The following ACSL1 variants were observed in gnomAD, a reference collection of about 807,000 sequenced individuals.
The protein encoded by ACSL1 is long-chain-fatty-acid--CoA ligase 1.
In ACSL1, 41 loss-of-function variants were observed where a neutral mutation model predicts 98.4. That is an observed-to-expected ratio of 0.42 (90% CI 0.32 to 0.54). The LOEUF is 0.54. ACSL1 is among the 20% of genes least tolerant of loss of function. The pLI, the probability that ACSL1 is intolerant of heterozygous loss-of-function variation, is 0.13. For missense variants in ACSL1, 734 were observed against 883.1 expected (o/e 0.83, Z 2.14); for synonymous variants, 316 against 322.7 (o/e 0.98, Z 0.22).
intron 17 of ACSL1, among the ~76,000 whole-genome samples, chr4:184,761,986 G>A (rs1170299614): frequency 6.6e-6 from 1 of 152,042 alleles, no homozygotes; most frequent in Non-Finnish European, 1.5e-5. Context: ...AATCAGCCAG[G>A]TGTGGTGGTG....
intron 3 of ACSL1, among the ~76,000 whole-genome samples, chr4:184,787,757 A>G (rs4862421): frequency 0.77 from 116,344 of 151,980 alleles, 46,077 homozygotes; most frequent in East Asian, 0.99. Flanking sequence ...CCAGCTACTC[A>G]GGAGGCTGAG....
At chr4:184,782,274 A>AAAC (rs1766419684) in intron 4 of ACSL1, among the ~76,000 whole-genome samples, 1 of 151,872 alleles carries the variant, frequency 6.6e-6, no homozygotes, top group African/African-American at 2.4e-5. Context: ...TAAAAAAAAA[A>AAAC]AAACAACCCT....
At chr4:184,809,947 T>C (rs1044638712) in intron 1 of ACSL1, among the ~76,000 whole-genome samples, 1 of 152,244 alleles carries the variant, frequency 6.6e-6, no homozygotes, top group African/African-American at 2.4e-5. Flanking sequence ...CATTCACATT[T>C]TCCTCTTCCA....
intron 14 of ACSL1, 101 bp from the exon 15 acceptor site, chr4:184,765,026 G>T (rs1763376189): frequency 8.6e-7 from 1 of 1,163,820 alleles, no homozygotes; most frequent in Non-Finnish European, 1.2e-6. Flanking sequence ...AGTCATGGCT[G>T]ACTGGTGAAA....
rs189566227 is a variant in ACSL1, at chr4:184,811,287, T to C, written c.-32-7741A>G. 4.6e-3 allele frequency among the ~76,000 whole-genome samples: 692 copies of C among 151,858 alleles called. 2 individuals carry two copies. The highest frequency in any genetic ancestry group is 0.017 in the Middle Eastern group (5 of 294). The stretch of plus-strand genomic sequence containing the variant: ...CCACGCCTGGCTAATTTTTTTTTTG[T>C]ATTTTTAGTAGAGACGGGGTTTCAC... On this transcript the variant is annotated intron_variant, in intron 1 of 20. Coordinates refer to ENST00000281455, the MANE Select transcript of ACSL1 (RefSeq NM_001995.5).
At position 184,757,973 on chromosome 4, in the gene ACSL1, T is replaced by G; in HGVS notation, c.1783-53A>C. 6.5e-7 allele frequency: 1 copy of G among 1,542,576 alleles called. No individual in the cohort carries two copies. The highest frequency in any genetic ancestry group is 8.9e-7 in the Non-Finnish European group (1 of 1,118,344). ...ATAGCTTGATCCAAATGCTCTAAAA[T>G]AGTGGTTCTTTATTTTTCCATCTTG... On this transcript the variant is annotated intron_variant, in intron 18 of 20. Coordinates refer to ENST00000281455, the MANE Select transcript of ACSL1 (RefSeq NM_001995.5). The surrounding 1 kb of genome is among the most constrained non-coding windows in gnomAD (Gnocchi z 4.5).
intron 2 of ACSL1, among the ~76,000 whole-genome samples, chr4:184,801,249 C>T (rs577855011): frequency 6.6e-6 from 1 of 152,294 alleles, no homozygotes; most frequent in African/African-American, 2.4e-5. Context: ...GGGAAACAGC[C>T]AGCGTGGGTT....
chr4:184,805,092 C>A (rs1771202540), intron 1 of ACSL1, among the ~76,000 whole-genome samples: 2 of 152,032 alleles, frequency 1.3e-5, no homozygotes, highest in South Asian at 4.1e-4. Context: ...AGAAAAACAA[C>A]AAACAAGTGG....
intron 2 of ACSL1, among the ~76,000 whole-genome samples, chr4:184,802,714 G>A (rs1770730149): frequency 6.6e-6 from 1 of 152,168 alleles, no homozygotes; most frequent in Admixed American, 6.5e-5. Context: ...TTCCTAACAT[G>A]AGAGCACAGC....
At chr4:184,796,396 A>C (rs1367075526) in intron 2 of ACSL1, among the ~76,000 whole-genome samples, 1 of 152,156 alleles carries the variant, frequency 6.6e-6, no homozygotes, top group Non-Finnish European at 1.5e-5. Context: ...ACACCACCCC[A>C]CTGCCCCAAC....
rs554015320 is a variant in ACSL1, at chr4:184,786,770, T to C, written c.310+1847A>G. Among the ~76,000 whole-genome samples, 6 of 149,068 alleles carry C rather than the reference T, an allele frequency of 4.0e-5. No individual in the cohort carries two copies. In the East Asian group the frequency reaches 1.2e-3, roughly 29 times the overall value. On this transcript the variant is annotated intron_variant, in intron 3 of 20. Transcript: ENST00000281455. ...GTACAATGGTGCAATCCTGGCTCAC[T>C]GCAACCTCCACCTCTCCGGTTCAAG...
chr4:184,796,605 T>C (rs58730668), intron 2 of ACSL1, among the ~76,000 whole-genome samples: 15,381 of 152,280 alleles, frequency 0.1, 953 homozygotes, highest in Non-Finnish European at 0.14. Context: ...ACCCGGAATC[T>C]GCAATCACAT....
At chr4:184,758,222 G>A (rs1049437807) in intron 18 of ACSL1, 3 of 294,446 alleles carry the variant, frequency 1.0e-5, no homozygotes, top group East Asian at 6.9e-5. Context: ...TTAAAAGCAG[G>A]GTCAAGTAAA....
At chr4:184,816,006 G>A (rs570475699) in intron 1 of ACSL1, among the ~76,000 whole-genome samples, 19 of 151,908 alleles carry the variant, frequency 1.3e-4, no homozygotes, top group Non-Finnish European at 2.4e-4. Flanking sequence ...CTGTAGTCCC[G>A]GCTACTCGGA....
chr4:184,802,221 A>G (rs887484742), intron 2 of ACSL1, among the ~76,000 whole-genome samples: 1 of 152,252 alleles, frequency 6.6e-6, no homozygotes, highest in Admixed American at 6.5e-5. Flanking sequence ...AATCTTTTAT[A>G]TATTTTAAGA....
rs1579843845 is a variant in ACSL1, at chr4:184,766,513, T to G, written c.1263+109A>C. The G allele has an allele frequency of 1.1e-5, 15 of 1,414,090 alleles. No individual in the cohort carries two copies. The East Asian group carries it at 3.5e-4, about 33-fold the overall frequency. 87.6% of individuals were successfully genotyped at this position (1,414,090 alleles called of 1,614,324 possible). A position where few individuals can be genotyped will look rare whatever the true frequency, so the allele number is the denominator to read the frequency against. On this transcript the variant is annotated intron_variant, in intron 13 of 20. Transcript: ENST00000281455. This position sits in a 1 kb window ranked among gnomAD's most constrained non-coding sequence, Gnocchi z 4.8. ...GTGTGCCAGAATTAACAAAAACATG[T>G]TATTCTCTCCCTTACCTTCATCTCT... is the stretch of plus-strand genomic sequence containing the variant.
chr4:184,810,046 T>C (rs1771891261), intron 1 of ACSL1, among the ~76,000 whole-genome samples: 1 of 152,238 alleles, frequency 6.6e-6, no homozygotes, highest in Admixed American at 6.5e-5. Context: ...CACATTTGAA[T>C]GATATTAGAA....
chr4:184,780,966 C>T (rs1579885178), intron 4 of ACSL1, among the ~76,000 whole-genome samples: 2 of 152,052 alleles, frequency 1.3e-5, no homozygotes, highest in African/African-American at 2.4e-5. Context: ...AGGCCAGGCA[C>T]GGTGGTTCAC....
chr4:184,811,436 T>C (rs1162023686), intron 1 of ACSL1, among the ~76,000 whole-genome samples: 3 of 151,774 alleles, frequency 2.0e-5, no homozygotes, highest in African/African-American at 7.2e-5. Flanking sequence ...GAGCCCAGGA[T>C]TCAAACCCAG....
Sources: allele counts gnomAD v4.1 joint callset (sites outside exome capture counted in the v4.1 genomes callset), GRCh38; gene constraint gnomAD v4.1.1; non-coding constraint Gnocchi (gnomAD v3.1); transcripts MANE v1.5; gene names NCBI Gene and HGNC (gene_info 2026-07-23, HGNC 2026-07-21).